SLC16A7: variants seen among roughly 807,000 people sequenced by gnomAD.
SLC16A7 encodes monocarboxylate transporter 2.
In SLC16A7, 33 loss-of-function variants were observed where a neutral mutation model predicts 34.9. The observed-to-expected ratio is 0.94, with a 90% CI of 0.72 to 1.26. The LOEUF (loss-of-function observed/expected upper bound fraction) is 1.26. Ranked by LOEUF, SLC16A7 falls within the 50% of genes most tolerant of loss-of-function variation. The pLI is 0.00. For synonymous variants in SLC16A7, 201 were observed against 206.6 expected, an observed-to-expected ratio of 0.97 and a Z score of 0.23; for missense variants, 573 against 578.1, an observed-to-expected ratio of 0.99 and a Z score of 0.09.
At chr12:59,770,579 C>G (rs892386785) in intron 3 of SLC16A7, among the ~76,000 whole-genome samples, 2 of 152,172 alleles carry the variant, frequency 1.3e-5, no homozygotes, top group African/African-American at 4.8e-5. Flanking sequence ...TAACCAAATT[C>G]AGACATGCAT....
intron 3 of SLC16A7, among the ~76,000 whole-genome samples, chr12:59,765,993 T>C (rs1025874745): frequency 6.6e-6 from 1 of 152,180 alleles, no homozygotes; most frequent in Admixed American, 6.5e-5. Flanking sequence ...TTTGTTTGTA[T>C]CCTCTTTTAT....
chr12:59,733,620 G>A (rs891333894), intron 3 of SLC16A7: 4 of 432,370 alleles, frequency 9.3e-6, no homozygotes, highest in Admixed American at 4.8e-5. Context: ...TTCCCAAAGG[G>A]CCACAGCTCC....
intron 2 of SLC16A7, among the ~76,000 whole-genome samples, chr12:59,693,859 T>C (rs1410703496): frequency 6.6e-6 from 1 of 151,706 alleles, no homozygotes; most frequent in East Asian, 1.9e-4. Context: ...ACAAAAGCCC[T>C]AATGAAAAAA....
At chr12:59,720,172 A>G in intron 3 of SLC16A7, 1 of 674,322 alleles carries the variant, frequency 1.5e-6, no homozygotes, top group South Asian at 1.6e-5. Flanking sequence ...AAAGATAATA[A>G]ATTTGTTCCA....
chr12:59,748,309 A>G (rs1879119454), intron 3 of SLC16A7, among the ~76,000 whole-genome samples: 1 of 152,180 alleles, frequency 6.6e-6, no homozygotes, highest in Non-Finnish European at 1.5e-5. Flanking sequence ...AAACAAACAT[A>G]AGGACACGGT....
Position 59,634,188 on chromosome 12 carries a change from A to T in SLC16A7, c.-129-20964A>T, listed in dbSNP as rs139969393. ...CAGGTCTGCCTGTAGATGGCCTTGT[A>T]GATTGTGCAGAGTACCTCCAGGTGG... On this transcript the variant is annotated intron_variant, in intron 1 of 5. Transcript: ENST00000547379. Among the ~76,000 whole-genome samples the T allele has an allele frequency of 4.8e-3, 731 of 152,104 alleles. 4 individuals are homozygous for T. The highest frequency in any genetic ancestry group is 0.017 in the African/African-American group (689 of 41,528).
chr12:59,648,986 T>G (rs1307970764), intron 1 of SLC16A7, among the ~76,000 whole-genome samples: 1 of 152,132 alleles, frequency 6.6e-6, no homozygotes, highest in Non-Finnish European at 1.5e-5. Flanking sequence ...GTCCTAGTAT[T>G]CAGAGTGATA....
chr12:59,660,417 G>A (rs1868782188), intron 2 of SLC16A7, among the ~76,000 whole-genome samples: 1 of 151,668 alleles, frequency 6.6e-6, no homozygotes, highest in African/African-American at 2.4e-5. Flanking sequence ...AACTGTCTTT[G>A]CCATATAATT....
intron 3 of SLC16A7, among the ~76,000 whole-genome samples, chr12:59,722,614 A>G (rs1875742134): frequency 6.6e-6 from 1 of 151,858 alleles, no homozygotes; most frequent in Non-Finnish European, 1.5e-5. Context: ...ACCTCAGGGA[A>G]TTGCACCCAT....
intron 1 of SLC16A7, among the ~76,000 whole-genome samples, chr12:59,614,063 T>C (rs1879325471): frequency 6.6e-6 from 1 of 151,858 alleles, no homozygotes. Context: ...CCTTTTTTTT[T>C]TTTTTTTGAC....
At chr12:59,660,155 T>A (rs918300449) in intron 2 of SLC16A7, among the ~76,000 whole-genome samples, 31 of 152,024 alleles carry the variant, frequency 2.0e-4, no homozygotes, top group African/African-American at 4.1e-4. Flanking sequence ...GATTTTTTTT[T>A]AAAAAACTCT....
intron 1 of SLC16A7, among the ~76,000 whole-genome samples, chr12:59,598,004 A>G (rs879746779): frequency 6.6e-6 from 1 of 152,126 alleles, no homozygotes; most frequent in Non-Finnish European, 1.5e-5. Context: ...TGTCTGGCTT[A>G]TATTTTTGGC....
rs3763980 is a variant in SLC16A7 at position 59,779,575 on chromosome 12, A to G, written c.1333A>G (p.Thr445Ala). 6.2e-7 allele frequency: 1 copy of G among 1,611,844 alleles called. No homozygotes were observed. The highest frequency in any genetic ancestry group is 8.5e-7 in the Non-Finnish European group (1 of 1,178,628). Residue 445 changes from threonine (T) to alanine (A), a missense_variant, in exon 6 of 6, where the codon ACC becomes GCC. Thr to Ala is a moderately conservative substitution (Grantham distance 58, BLOSUM62 0). Coordinates refer to ENST00000547379, the MANE Select transcript of SLC16A7 (RefSeq NM_001270623.2). ...ERKEENARQK[T>A]RESEPLSKSK... The stretch of plus-strand genomic sequence containing the variant: ...GAAGGAGGAAAATGCAAGGCAGAAG[A>G]CCAGAGAATCTGAACCCTTGAGCAA...
intron 1 of SLC16A7, among the ~76,000 whole-genome samples, chr12:59,653,958 T>G (rs1025570029): frequency 6.6e-6 from 1 of 151,728 alleles, no homozygotes; most frequent in Admixed American, 6.6e-5. Flanking sequence ...AAGTTGATTA[T>G]ATTGGTTTAA....
At chr12:59,628,923 G>A (rs113447240) in intron 1 of SLC16A7, among the ~76,000 whole-genome samples, 33 of 151,870 alleles carry the variant, frequency 2.2e-4, no homozygotes, top group African/African-American at 7.0e-4. Context: ...TCTGGTCGGC[G>A]TGGGCTGCTA....
intron 3 of SLC16A7, among the ~76,000 whole-genome samples, chr12:59,721,720 CA>C (rs1875621595): frequency 6.6e-6 from 1 of 151,858 alleles, no homozygotes; most frequent in African/African-American, 2.4e-5. Context: ...CCAAGTTTCT[CA>C]GGACTTCAAT....
intron 1 of SLC16A7, among the ~76,000 whole-genome samples, chr12:59,615,681 T>G (rs1879417865): frequency 6.6e-6 from 1 of 152,230 alleles, no homozygotes; most frequent in African/African-American, 2.4e-5. Flanking sequence ...TTCATACTCT[T>G]GGAGTATTTG....
At chr12:59,663,324 T>G (rs532834427) in intron 2 of SLC16A7, among the ~76,000 whole-genome samples, 1 of 151,902 alleles carries the variant, frequency 6.6e-6, no homozygotes, top group South Asian at 2.1e-4. Context: ...AGTTAATAAT[T>G]TCTTTACATA....
chr12:59,704,587 G>A (rs912974983), intron 2 of SLC16A7, among the ~76,000 whole-genome samples, 185 bp from the exon 3 acceptor site: 5 of 151,984 alleles, frequency 3.3e-5, no homozygotes, highest in African/African-American at 1.2e-4. Context: ...ATAATCAAAG[G>A]TATATAACTT....
Sources: allele counts gnomAD v4.1 joint callset (sites outside exome capture counted in the v4.1 genomes callset), GRCh38; gene constraint gnomAD v4.1.1; transcripts MANE v1.5; gene names NCBI Gene and HGNC (gene_info 2026-07-23, HGNC 2026-07-21).